CAB39: variants seen among roughly 807,000 people sequenced by gnomAD.
CAB39 encodes the protein calcium binding protein 39, also known as calcium-binding protein 39.
CAB39 carries 8 observed loss-of-function variants against 40.0 expected under a neutral mutation model. The ratio of observed to expected loss-of-function variants is 0.20; its 90% CI spans 0.12 to 0.36. The LOEUF is 0.36. Among genes scored for constraint, CAB39 ranks in the 10% least tolerant of loss-of-function variants. The probability of loss-of-function intolerance (pLI) is 1.00; values close to 1 mark genes in which losing one functional copy is unlikely to be tolerated. For missense variants in CAB39, 270 were observed against 401.1 expected (o/e 0.67, Z 2.79); for synonymous variants, 156 against 141.6 (o/e 1.10, Z -0.72).
Position 230,820,055 on chromosome 2 carries a change from A to T in CAB39, c.*1351A>T, listed in dbSNP as rs1383948001. 6.6e-6 allele frequency: 1 copy of T among 152,654 alleles called. No individual in the cohort carries two copies. Among genetic ancestry groups the T allele is most frequent in the Non-Finnish European group, 1.5e-5 (1 of 68,034 alleles). 9.5% of individuals were successfully genotyped at this position (152,654 alleles called of 1,614,324 possible). On this transcript the variant is annotated 3_prime_UTR_variant, in exon 9 of 9. Transcript: ENST00000258418. ...TGCAAATTATCAGTATTTATAAAGT[A>T]ACTGATTTTGCACCACTTTTTTGTT...
At chr2:230,794,883 T>C (rs1695954587) in intron 4 of CAB39, among the ~76,000 whole-genome samples, 1 of 152,218 alleles carries the variant, frequency 6.6e-6, no homozygotes, top group African/African-American at 2.4e-5. Context: ...AAACACAGTA[T>C]AACACAGTTA....
chr2:230,761,319 G>T (rs1398889019), intron 2 of CAB39, among the ~76,000 whole-genome samples: 1 of 152,084 alleles, frequency 6.6e-6, no homozygotes, highest in Non-Finnish European at 1.5e-5. Flanking sequence ...TCCTGACTCT[G>T]AATTTATATG....
chr2:230,805,413 C>CA (rs946903245), intron 5 of CAB39, among the ~76,000 whole-genome samples: 33 of 149,622 alleles, frequency 2.2e-4, no homozygotes, highest in South Asian at 6.4e-4. Context: ...AAAAAAAATA[C>CA]AAAAAAAAAT....
chr2:230,720,848 G>A (rs759288757), intron 1 of CAB39, among the ~76,000 whole-genome samples: 3 of 152,152 alleles, frequency 2.0e-5, no homozygotes, highest in Non-Finnish European at 4.4e-5. Flanking sequence ...AGATTCTATA[G>A]CAGGGAGACA....
chr2:230,818,389 C>CT, intron 8 of CAB39, 127 bp from the exon 9 acceptor site: 1 of 666,696 alleles, frequency 1.5e-6, no homozygotes, highest in Non-Finnish European at 2.5e-6. Context: ...AAAGCAAAAC[C>CT]TAATGACCCT....
chr2:230,810,135 C>A, intron 5 of CAB39, 128 bp from the exon 6 acceptor site: 1 of 548,190 alleles, frequency 1.8e-6, no homozygotes, highest in Non-Finnish European at 3.3e-6. Flanking sequence ...TAATACAATT[C>A]ATGCTAAAAT....
At chr2:230,713,620 C>T (rs1694293565) in intron 1 of CAB39, 2 of 152,340 alleles carry the variant, frequency 1.3e-5, no homozygotes, top group African/African-American at 4.8e-5. Context: ...GCCTCGCTCC[C>T]GCCCCTGGTA....
At chr2:230,794,889 A>G (rs1354385653) in intron 4 of CAB39, among the ~76,000 whole-genome samples, 1 of 152,208 alleles carries the variant, frequency 6.6e-6, no homozygotes, top group East Asian at 1.9e-4. Context: ...AGTATAACAC[A>G]GTTACGTTAC....
intron 7 of CAB39, 118 bp downstream of exon 7, chr2:230,814,232 G>GC: frequency 3.5e-6 from 2 of 570,988 alleles, no homozygotes; most frequent in Non-Finnish European, 6.2e-6. Context: ...AAATACCTTT[G>GC]CCGAGGGTCA....
chr2:230,789,315 T>C (rs376365305), intron 2 of CAB39, among the ~76,000 whole-genome samples: 1 of 152,218 alleles, frequency 6.6e-6, no homozygotes. Context: ...TTAATGTCCT[T>C]ATTGAGTATT....
intron 2 of CAB39, chr2:230,779,507 C>A (rs541138395): frequency 6.6e-6 from 1 of 152,306 alleles, no homozygotes; most frequent in South Asian, 2.1e-4. Context: ...TTCTTCTTGA[C>A]CATGATCTAT....
At chr2:230,781,128 T>A (rs1207146741) in intron 2 of CAB39, among the ~76,000 whole-genome samples, 1 of 152,036 alleles carries the variant, frequency 6.6e-6, no homozygotes, top group African/African-American at 2.4e-5. Flanking sequence ...CTTCTAAAAG[T>A]TTCTCAGGTG....
chr2:230,805,224 G>A (rs889933570), intron 5 of CAB39, among the ~76,000 whole-genome samples: 11 of 151,974 alleles, frequency 7.2e-5, no homozygotes, highest in African/African-American at 2.4e-4. Flanking sequence ...CACAGGGCGG[G>A]GAACATCAAA....
At chr2:230,788,560 A>G (rs373096027) in intron 2 of CAB39, among the ~76,000 whole-genome samples, 3 of 152,114 alleles carry the variant, frequency 2.0e-5, no homozygotes, top group Non-Finnish European at 4.4e-5. Flanking sequence ...AGCCAGTAGG[A>G]CTTCCTTAAA....
chr2:230,746,635 A>G (rs1174479321), intron 1 of CAB39, among the ~76,000 whole-genome samples: 1 of 152,206 alleles, frequency 6.6e-6, no homozygotes, highest in Admixed American at 6.5e-5. Flanking sequence ...GTGTGTAGCA[A>G]TAGAGAAATT....
chr2:230,753,743 CAAAAA>C (rs60868418), intron 1 of CAB39, among the ~76,000 whole-genome samples: 2 of 85,522 alleles, frequency 2.3e-5, no homozygotes, highest in African/African-American at 7.5e-5. Context: ...GACTCCATCT[CAAAAA>C]AAAAAAAAAA....
intron 1 of CAB39, among the ~76,000 whole-genome samples, chr2:230,739,164 A>G (rs1694834763): frequency 6.6e-6 from 1 of 152,244 alleles, no homozygotes; most frequent in Non-Finnish European, 1.5e-5. Flanking sequence ...GATCATATGG[A>G]CTATGTTTAC....
chr2:230,805,617 A>T (rs1254587324), intron 5 of CAB39, among the ~76,000 whole-genome samples: 1 of 151,914 alleles, frequency 6.6e-6, no homozygotes, highest in Non-Finnish European at 1.5e-5. Flanking sequence ...TAACATGACC[A>T]TATCAGTTGT....
chr2:230,801,094 C>T (rs796398933), intron 5 of CAB39, among the ~76,000 whole-genome samples: 9 of 152,248 alleles, frequency 5.9e-5, no homozygotes, highest in African/African-American at 2.2e-4. Context: ...CTGTGCATCT[C>T]AGGTGCTCCT....
Sources: allele counts gnomAD v4.1 joint callset (sites outside exome capture counted in the v4.1 genomes callset), GRCh38; gene constraint gnomAD v4.1.1; transcripts MANE v1.5; gene names NCBI Gene and HGNC (gene_info 2026-07-23, HGNC 2026-07-21).